The following NBEA variants were observed in gnomAD, a reference collection of about 807,000 sequenced individuals.
The protein encoded by NBEA is lysosomal-trafficking regulator 2.
A neutral mutation model predicts 343.4 loss-of-function variants in NBEA; 44 were observed. That is an observed-to-expected ratio of 0.13 (90% CI 0.10 to 0.16). The LOEUF is 0.16. Among genes scored for constraint, NBEA ranks in the 10% least tolerant of loss-of-function variants. The pLI is 1.00. For missense variants in NBEA, 2,555 were observed against 3,631.3 expected (o/e 0.70, Z 7.62); for synonymous variants, 1,175 against 1,238.7 (o/e 0.95, Z 1.08).
chr13:35,178,720 A>G (rs763461097), intron 28 of NBEA, among the ~76,000 whole-genome samples: 8 of 151,554 alleles, frequency 5.3e-5, no homozygotes, highest in Non-Finnish European at 1.0e-4. Flanking sequence ...TATAATTAAT[A>G]AATAATGAAG....
intron 41 of NBEA, among the ~76,000 whole-genome samples, chr13:35,483,360 A>G (rs1352298114): frequency 6.6e-6 from 1 of 151,962 alleles, no homozygotes; most frequent in Non-Finnish European, 1.5e-5. Context: ...AAATGTCAAG[A>G]TTTCTCAATA....
chr13:35,535,868 A>G (rs2078514397), intron 41 of NBEA, among the ~76,000 whole-genome samples: 1 of 152,206 alleles, frequency 6.6e-6, no homozygotes, highest in African/African-American at 2.4e-5. Flanking sequence ...ACTTATTGCT[A>G]CATACTGGTA....
intron 8 of NBEA, among the ~76,000 whole-genome samples, chr13:35,066,407 T>G (rs2063655417): frequency 6.6e-6 from 1 of 152,168 alleles, no homozygotes; most frequent in African/African-American, 2.4e-5. Flanking sequence ...TGCCCAACTA[T>G]TATTATTAAG....
At chr13:35,082,827 C>G (rs952726383) in intron 10 of NBEA, among the ~76,000 whole-genome samples, 2 of 152,066 alleles carry the variant, frequency 1.3e-5, no homozygotes, top group African/African-American at 4.8e-5. Context: ...AGCCCTTTGT[C>G]AGATGAGTAG....
chr13:35,342,156 A>G (rs962542880), intron 36 of NBEA, among the ~76,000 whole-genome samples: 2 of 152,104 alleles, frequency 1.3e-5, no homozygotes, highest in Admixed American at 1.3e-4. Flanking sequence ...AGGAAAATCC[A>G]TAGAAACAGA....
intron 29 of NBEA, among the ~76,000 whole-genome samples, chr13:35,182,962 C>T (rs1470670051): frequency 6.6e-6 from 1 of 151,850 alleles, no homozygotes; most frequent in Non-Finnish European, 1.5e-5. Context: ...TAGCTGTATA[C>T]AGTTAATTCA....
intron 28 of NBEA, among the ~76,000 whole-genome samples, chr13:35,177,379 G>A (rs901799288): frequency 6.6e-6 from 1 of 151,778 alleles, no homozygotes; most frequent in African/African-American, 2.4e-5. Context: ...ACTTTATCTT[G>A]TATCAACTAC....
chr13:35,180,817 A>T (rs768852455), intron 28 of NBEA, among the ~76,000 whole-genome samples: 11 of 151,582 alleles, frequency 7.3e-5, no homozygotes, highest in Non-Finnish European at 1.5e-4. Flanking sequence ...TTTATCTGTC[A>T]CCCACTTCCC....
chr13:35,152,925 T>C (rs1388515922), intron 18 of NBEA, among the ~76,000 whole-genome samples: 1 of 152,152 alleles, frequency 6.6e-6, no homozygotes, highest in Non-Finnish European at 1.5e-5. Flanking sequence ...AGTCAAACCT[T>C]TGGGGCCCAT....
intron 49 of NBEA, among the ~76,000 whole-genome samples, chr13:35,645,124 A>G (rs1372216856): frequency 2.0e-5 from 3 of 152,224 alleles, no homozygotes; most frequent in Non-Finnish European, 4.4e-5. Flanking sequence ...TACTTTATAA[A>G]TTAGAATTGT....
chr13:35,171,524 A>T (rs1293231021), intron 26 of NBEA, 72 bp downstream of exon 26: 19 of 1,197,238 alleles, frequency 1.6e-5, no homozygotes, highest in Non-Finnish European at 2.2e-5. Context: ...ACTATGGTAC[A>T]TAAAATATTA....
intron 17 of NBEA, among the ~76,000 whole-genome samples, chr13:35,128,448 A>C (rs2067244217): frequency 6.6e-6 from 1 of 152,132 alleles, no homozygotes; most frequent in Non-Finnish European, 1.5e-5. Context: ...AGTCCACAAA[A>C]AGCCAAGAAG....
At chr13:35,160,112 A>T (rs1328948400) in intron 22 of NBEA, 80 bp downstream of exon 22, 14 of 1,249,818 alleles carry the variant, frequency 1.1e-5, no homozygotes, top group Non-Finnish European at 1.5e-5. Flanking sequence ...GTAATTTCTT[A>T]TCAGTTACTT....
At chr13:35,314,214 A>G (rs1236145316) in intron 36 of NBEA, among the ~76,000 whole-genome samples, 1 of 152,172 alleles carries the variant, frequency 6.6e-6, no homozygotes, top group African/African-American at 2.4e-5. Context: ...GGTATATACT[A>G]TCTTTAGAAA....
intron 11 of NBEA, among the ~76,000 whole-genome samples, chr13:35,105,725 T>C (rs2065888624): frequency 6.6e-6 from 1 of 151,974 alleles, no homozygotes; most frequent in Admixed American, 6.6e-5. Context: ...CAACAACACA[T>C]GATTAATCTG....
intron 41 of NBEA, among the ~76,000 whole-genome samples, chr13:35,532,795 T>A (rs1229149298): frequency 1.3e-5 from 2 of 152,038 alleles, no homozygotes; most frequent in Non-Finnish European, 1.5e-5. Context: ...ATGATGGGAG[T>A]TGCTGATAAT....
chr13:35,572,468 A>T (rs186110704), intron 45 of NBEA, among the ~76,000 whole-genome samples: 47 of 152,364 alleles, frequency 3.1e-4, no homozygotes, highest in African/African-American at 1.1e-3. Flanking sequence ...TTGTTAACAC[A>T]GGAGTTGTTT....
At chr13:34,989,388 C>T (rs1333844751) in intron 1 of NBEA, among the ~76,000 whole-genome samples, 1 of 150,854 alleles carries the variant, frequency 6.6e-6, no homozygotes, top group African/African-American at 2.4e-5. Flanking sequence ...GGAAGCCTGG[C>T]TGGGGAGGTT....
intron 35 of NBEA, among the ~76,000 whole-genome samples, chr13:35,291,022 C>G (rs2035771489): frequency 6.6e-6 from 1 of 151,672 alleles, no homozygotes; most frequent in Admixed American, 6.6e-5. Flanking sequence ...ATTGTTTCTT[C>G]TTAACAATTA....
Sources: gnomAD v4.1 joint callset for allele counts (sites outside exome capture counted in the v4.1 genomes callset) on GRCh38, gnomAD v4.1.1 for gene constraint, MANE v1.5 for transcripts, NCBI Gene and HGNC (gene_info 2026-07-23, HGNC 2026-07-21) for gene names.